The following BANK1 variants were observed in gnomAD, a reference collection of about 807,000 sequenced individuals.
BANK1 encodes B-cell scaffold protein with ankyrin repeats.
BANK1 carries 95 observed loss-of-function variants against 94.5 expected under a neutral mutation model. The ratio of observed to expected loss-of-function variants is 1.00; its 90% CI spans 0.85 to 1.19. BANK1 has a LOEUF of 1.19. Among genes scored for constraint, BANK1 ranks in the 50% most tolerant of loss-of-function variants. The pLI, the probability that BANK1 is intolerant of heterozygous loss-of-function variation, is 0.00. For missense variants in BANK1, 987 were observed against 932.2 expected (o/e 1.06, Z -0.77); for synonymous variants, 334 against 308.4 (o/e 1.08, Z -0.87).
intron 5 of BANK1, among the ~76,000 whole-genome samples, chr4:101,884,000 A>C (rs895936313): frequency 3.9e-5 from 6 of 152,192 alleles, no homozygotes; most frequent in African/African-American, 1.4e-4. Flanking sequence ...GTTATAGTAC[A>C]GTATCAATAA....
rs1335612024 is a variant in BANK1, at chr4:102,074,395, A to G, written c.*396A>G. ...TATTCCTCCTCTCCTTAGAATAACCATGAAAATACAAATTTACTTAGCACA... is the reference window on the plus strand; with the variant it reads ...TATTCCTCCTCTCCTTAGAATAACCGTGAAAATACAAATTTACTTAGCACA... On this transcript the variant is annotated 3_prime_UTR_variant, in exon 17 of 17. Transcript: ENST00000322953. 3 of 152,090 alleles carry G rather than the reference A, an allele frequency of 2.0e-5. No individual in the cohort carries two copies. Among genetic ancestry groups the G allele is most frequent in the African/African-American group, 4.8e-5 (2 of 41,452 alleles). 9.4% of individuals were successfully genotyped at this position (152,090 alleles called of 1,614,324 possible).
chr4:101,925,023 T>A (rs1723110275), intron 7 of BANK1, among the ~76,000 whole-genome samples: 1 of 151,734 alleles, frequency 6.6e-6, no homozygotes, highest in South Asian at 2.1e-4. Context: ...ACCCTTTTGA[T>A]AAACCTTAGA....
intron 5 of BANK1, among the ~76,000 whole-genome samples, chr4:101,892,792 C>T (rs1721925537): frequency 6.6e-6 from 1 of 151,858 alleles, no homozygotes; most frequent in African/African-American, 2.4e-5. Flanking sequence ...GAGAAAAATT[C>T]TAATTTATGT....
intron 7 of BANK1, among the ~76,000 whole-genome samples, chr4:101,997,842 A>G (rs1052894272): frequency 6.6e-6 from 1 of 151,638 alleles, no homozygotes; most frequent in Admixed American, 6.6e-5. Flanking sequence ...CTAGTAGTCT[A>G]TTTTGCTAAT....
At chr4:101,872,949 C>G (rs1414754010) in intron 5 of BANK1, among the ~76,000 whole-genome samples, 3 of 150,190 alleles carry the variant, frequency 2.0e-5, no homozygotes, top group Non-Finnish European at 4.4e-5. Context: ...AATCACGCCA[C>G]AGCACTCCAG....
At chr4:101,982,760 C>T (rs1157145397) in intron 7 of BANK1, among the ~76,000 whole-genome samples, 4 of 151,716 alleles carry the variant, frequency 2.6e-5, no homozygotes, top group African/African-American at 9.7e-5. Context: ...TATTTCATTC[C>T]ATTGACAAAT....
chr4:101,963,135 A>T (rs1464157315), intron 7 of BANK1, among the ~76,000 whole-genome samples: 1 of 152,050 alleles, frequency 6.6e-6, no homozygotes, highest in African/African-American at 2.4e-5. Context: ...AGTGCCATAC[A>T]ATCTTATTTA....
chr4:101,890,219 T>C (rs1381919204), intron 5 of BANK1, among the ~76,000 whole-genome samples: 1 of 152,078 alleles, frequency 6.6e-6, no homozygotes, highest in South Asian at 2.1e-4. Context: ...AATTTTTTTA[T>C]TTTTTCCTGA....
chr4:101,925,585 C>G (rs1030384657), intron 7 of BANK1, among the ~76,000 whole-genome samples: 1 of 151,736 alleles, frequency 6.6e-6, no homozygotes, highest in Non-Finnish European at 1.5e-5. Context: ...AAAGTTGAAA[C>G]AGTATCTTAT....
chr4:101,963,638 G>A (rs1038724883), intron 7 of BANK1, among the ~76,000 whole-genome samples: 3 of 152,046 alleles, frequency 2.0e-5, no homozygotes, highest in African/African-American at 7.2e-5. Flanking sequence ...AATTCATTTA[G>A]GCTTCCATAT....
At chr4:101,967,171 A>C (rs1724794406) in intron 7 of BANK1, among the ~76,000 whole-genome samples, 1 of 152,078 alleles carries the variant, frequency 6.6e-6, no homozygotes, top group Admixed American at 6.6e-5. Context: ...CATGTTTTCT[A>C]AGCAATTACT....
At chr4:101,911,271 G>A (rs1034080751) in intron 6 of BANK1, among the ~76,000 whole-genome samples, 26 of 152,146 alleles carry the variant, frequency 1.7e-4, no homozygotes, top group African/African-American at 6.3e-4. Flanking sequence ...AGAACAGTCA[G>A]AGGAAACTTT....
At chr4:101,860,230 T>C (rs1727816049) in intron 3 of BANK1, among the ~76,000 whole-genome samples, 2 of 152,124 alleles carry the variant, frequency 1.3e-5, no homozygotes, top group South Asian at 2.1e-4. Context: ...GTCAAGGTAA[T>C]TACAGCAGAA....
intron 4 of BANK1, among the ~76,000 whole-genome samples, chr4:101,867,995 G>C (rs771766773): frequency 2.4e-4 from 36 of 151,514 alleles, no homozygotes; most frequent in Non-Finnish European, 4.7e-4. Context: ...AATAGTCTAA[G>C]AACGCCAATT....
chr4:102,040,845 C>G (rs1414492657), intron 10 of BANK1, among the ~76,000 whole-genome samples: 1 of 151,864 alleles, frequency 6.6e-6, no homozygotes, highest in African/African-American at 2.4e-5. Flanking sequence ...CATTAGAGAT[C>G]GTCACATCTA....
At chr4:101,815,887 C>A (rs977017177) in intron 1 of BANK1, among the ~76,000 whole-genome samples, 2 of 152,062 alleles carry the variant, frequency 1.3e-5, no homozygotes, top group African/African-American at 4.8e-5. Flanking sequence ...ATACACTTTA[C>A]AAACTATTAC....
chr4:101,856,721 G>C (rs1191478361), intron 3 of BANK1, among the ~76,000 whole-genome samples: 2 of 152,082 alleles, frequency 1.3e-5, no homozygotes, highest in Non-Finnish European at 2.9e-5. Flanking sequence ...AGTTAGATAA[G>C]GGTTTTTTCA....
intron 2 of BANK1, among the ~76,000 whole-genome samples, chr4:101,851,665 C>T (rs1369913024): frequency 6.6e-6 from 1 of 152,074 alleles, no homozygotes; most frequent in Non-Finnish European, 1.5e-5. Context: ...GAGAGCCAAG[C>T]CTACACATTT....
intron 13 of BANK1, among the ~76,000 whole-genome samples, chr4:102,068,348 A>G (rs1372539904): frequency 1.3e-5 from 2 of 152,178 alleles, no homozygotes; most frequent in African/African-American, 2.4e-5. Flanking sequence ...GAAATCAGTA[A>G]AAAAGGAAAG....
Sources: allele counts gnomAD v4.1 joint callset (sites outside exome capture counted in the v4.1 genomes callset), GRCh38; gene constraint gnomAD v4.1.1; transcripts MANE v1.5; gene names NCBI Gene and HGNC (gene_info 2026-07-23, HGNC 2026-07-21).